IL1RAPL1: variants seen among roughly 807,000 people sequenced by gnomAD.
IL1RAPL1 encodes interleukin 1 receptor accessory protein like 1, also known as interleukin-1 receptor accessory protein-like 1.
In IL1RAPL1, 3 loss-of-function variants were observed where a neutral mutation model predicts 48.4. The ratio of observed to expected loss-of-function variants is 0.06; its 90% confidence interval spans 0.03 to 0.16. The LOEUF (loss-of-function observed/expected upper bound fraction) is 0.16, where lower values mean the gene tolerates loss of function less well. Ranked by LOEUF, IL1RAPL1 falls within the 10% of genes least tolerant of loss-of-function variation. IL1RAPL1 has a pLI of 1.00. For synonymous variants in IL1RAPL1, 185 were observed against 187.7 expected (o/e 0.99, Z 0.12); for missense variants, 349 against 530.6 (o/e 0.66, Z 3.36).
chrX:29,390,596 A>G (rs1474793069), intron 3 of IL1RAPL1, among the ~76,000 whole-genome samples: 1 of 111,921 alleles, frequency 8.9e-6, no homozygotes, highest in Non-Finnish European at 1.9e-5. Context: ...TAGAGGATAC[A>G]TTTTACAATC....
intron 2 of IL1RAPL1, among the ~76,000 whole-genome samples, chrX:28,903,756 A>G (rs891564972): frequency 9.0e-6 from 1 of 111,146 alleles, no homozygotes; most frequent in Non-Finnish European, 1.9e-5. Flanking sequence ...GGAATTTATT[A>G]TGCGCTACCT....
chrX:28,825,292 T>C (rs1347646353), intron 2 of IL1RAPL1, among the ~76,000 whole-genome samples: 1 of 111,559 alleles, frequency 9.0e-6, no homozygotes, highest in Non-Finnish European at 1.9e-5. Context: ...TATAAGATAG[T>C]CATCTCAGCA....
chrX:29,620,509 A>G (rs1438930935), intron 5 of IL1RAPL1, among the ~76,000 whole-genome samples: 3 of 112,209 alleles, frequency 2.7e-5, no homozygotes, highest in African/African-American at 9.7e-5. Flanking sequence ...AAAGTAACCC[A>G]TTTCCTCTTC....
rs1418543281 is a variant in IL1RAPL1, at chrX:29,260,389, A to G, written c.83-22549A>G. ...TCCACATGGCTAGGGAGGCCTCACAATCATGGCAGAAGGCAAATGAGGAGC... is the reference window on the plus strand; with the variant it reads ...TCCACATGGCTAGGGAGGCCTCACAGTCATGGCAGAAGGCAAATGAGGAGC... On this transcript the variant is annotated intron_variant, in intron 2 of 10. Coordinates refer to ENST00000378993, the MANE Select transcript of IL1RAPL1 (RefSeq NM_014271.4). Among the ~76,000 whole-genome samples, 4 of 112,155 alleles carry G rather than the reference A, an allele frequency of 3.6e-5. No homozygotes were observed. The Admixed American group carries it at 3.8e-4, about 11-fold the overall frequency.
At chrX:29,623,106 TAAAA>T (rs752740069) in intron 5 of IL1RAPL1, among the ~76,000 whole-genome samples, 1 of 78,600 alleles carries the variant, frequency 1.3e-5, no homozygotes. Flanking sequence ...CTGTCTCCAC[TAAAA>T]AAAAAAAAAA....
intron 2 of IL1RAPL1, among the ~76,000 whole-genome samples, chrX:28,859,457 A>C (rs1402376794): frequency 9.0e-6 from 1 of 111,122 alleles, no homozygotes; most frequent in African/African-American, 3.3e-5. Flanking sequence ...ACTGGGTTTC[A>C]CCATGTTGGC....
At chrX:29,836,508 G>T (rs764179974) in intron 6 of IL1RAPL1, among the ~76,000 whole-genome samples, 1 of 111,579 alleles carries the variant, frequency 9.0e-6, no homozygotes, top group Admixed American at 9.5e-5. Flanking sequence ...ATTTTAATTT[G>T]TCTCAAGACA....
At chrX:28,909,598 AT>A (rs1377088618) in intron 2 of IL1RAPL1, among the ~76,000 whole-genome samples, 1 of 111,714 alleles carries the variant, frequency 9.0e-6, no homozygotes. Flanking sequence ...AAGATATTGA[AT>A]TTCTGAAGAA....
At chrX:29,935,168 C>T (rs769362203) in intron 8 of IL1RAPL1, among the ~76,000 whole-genome samples, 2 of 108,966 alleles carry the variant, frequency 1.8e-5, no homozygotes, top group African/African-American at 6.7e-5. Context: ...TGCAGTACAC[C>T]GGGGGTGGGG....
intron 5 of IL1RAPL1, among the ~76,000 whole-genome samples, chrX:29,407,153 T>G (rs1279499708): frequency 9.0e-6 from 1 of 111,471 alleles, no homozygotes; most frequent in Non-Finnish European, 1.9e-5. Context: ...TAGCATGCTA[T>G]CAAAAGAACT....
chrX:29,325,187 C>T (rs1005098071), intron 3 of IL1RAPL1, among the ~76,000 whole-genome samples: 1 of 111,971 alleles, frequency 8.9e-6, no homozygotes, highest in Non-Finnish European at 1.9e-5. Flanking sequence ...TCTCAATCAT[C>T]CAGCTGATCC....
intron 5 of IL1RAPL1, among the ~76,000 whole-genome samples, chrX:29,668,124 G>T (rs1379400240): frequency 9.0e-6 from 1 of 111,690 alleles, no homozygotes; most frequent in African/African-American, 3.2e-5. Context: ...GTAAAACAAA[G>T]AACAAATTGA....
chrX:29,722,872 T>C (rs950132486), intron 6 of IL1RAPL1, among the ~76,000 whole-genome samples: 11 of 112,552 alleles, frequency 9.8e-5, no homozygotes, highest in Non-Finnish European at 1.7e-4. Flanking sequence ...TCAGAACATA[T>C]GCTTTCTCTA....
At chrX:29,190,730 A>G (rs1930336522) in intron 2 of IL1RAPL1, among the ~76,000 whole-genome samples, 1 of 112,525 alleles carries the variant, frequency 8.9e-6, no homozygotes, top group South Asian at 3.6e-4. Flanking sequence ...CTTTATGGAA[A>G]TCCTTTTTTC....
At chrX:29,854,395 AT>A (rs1290412492) in intron 6 of IL1RAPL1, among the ~76,000 whole-genome samples, 1 of 111,918 alleles carries the variant, frequency 8.9e-6, no homozygotes, top group Non-Finnish European at 1.9e-5. Context: ...CAGGAAAGGT[AT>A]TGATGAGATA....
chrX:29,278,221 GACTT>G (rs950932271), intron 2 of IL1RAPL1, among the ~76,000 whole-genome samples: 1 of 111,869 alleles, frequency 8.9e-6, no homozygotes, highest in Non-Finnish European at 1.9e-5. Flanking sequence ...TAGTAACAGT[GACTT>G]AATTAAAAAT....
At chrX:28,624,735 G>A (rs1403085853) in intron 1 of IL1RAPL1, among the ~76,000 whole-genome samples, 2 of 111,868 alleles carry the variant, frequency 1.8e-5, no homozygotes, top group Non-Finnish European at 3.8e-5. Context: ...ATCAAACTAT[G>A]TACTTGTTTT....
intron 2 of IL1RAPL1, among the ~76,000 whole-genome samples, chrX:29,259,190 G>A (rs1931808493): frequency 9.0e-6 from 1 of 111,337 alleles, no homozygotes; most frequent in African/African-American, 3.3e-5. Context: ...TCACATTAGT[G>A]AATACTGTTT....
At chrX:28,746,817 G>T (rs1338491787) in intron 1 of IL1RAPL1, among the ~76,000 whole-genome samples, 1 of 111,509 alleles carries the variant, frequency 9.0e-6, no homozygotes, top group Non-Finnish European at 1.9e-5. Flanking sequence ...ATATCAGTAT[G>T]TACTTGCAAA....
Sources: gnomAD v4.1 joint callset for allele counts (sites outside exome capture counted in the v4.1 genomes callset) on GRCh38, gnomAD v4.1.1 for gene constraint, MANE v1.5 for transcripts, NCBI Gene and HGNC (gene_info 2026-07-23, HGNC 2026-07-21) for gene names.